The following LEF1 variants were observed in gnomAD, a reference collection of about 807,000 sequenced individuals.
The protein encoded by LEF1 is lymphoid enhancer binding factor 1.
In LEF1, 14 loss-of-function variants were observed where a neutral mutation model predicts 51.2. The observed-to-expected ratio is 0.27, with a 90% CI of 0.18 to 0.43. The LOEUF (loss-of-function observed/expected upper bound fraction) is 0.43. Ranked by LOEUF, LEF1 falls within the 20% of genes least tolerant of loss-of-function variation. The probability of loss-of-function intolerance (pLI) is 1.00; values close to 1 mark genes in which losing one functional copy is unlikely to be tolerated. For missense variants in LEF1, 386 were observed against 512.0 expected, an observed-to-expected ratio of 0.75 and a Z score of 2.37; for synonymous variants, 185 against 183.2, an observed-to-expected ratio of 1.01 and a Z score of -0.08.
At chr4:108,150,946 C>T (rs968002759) in intron 3 of LEF1, among the ~76,000 whole-genome samples, 1 of 152,112 alleles carries the variant, frequency 6.6e-6, no homozygotes, top group African/African-American at 2.4e-5. Context: ...GGTCAAGGTC[C>T]AGGAAGCTTC....
chr4:108,076,470 G>A (rs1190749987), intron 8 of LEF1, among the ~76,000 whole-genome samples: 2 of 152,130 alleles, frequency 1.3e-5, no homozygotes, highest in East Asian at 1.9e-4. Flanking sequence ...CCAGGTTCAA[G>A]TGATTCTCCT....
chr4:108,103,897 C>T (rs878893993), intron 3 of LEF1, among the ~76,000 whole-genome samples: 2 of 152,142 alleles, frequency 1.3e-5, no homozygotes, highest in Non-Finnish European at 1.5e-5. Context: ...CATAGAACTA[C>T]CATACGACCC....
intron 8 of LEF1, 137 bp from the exon 9 acceptor site, chr4:108,070,907 C>T (rs755433982): frequency 1.9e-5 from 12 of 646,444 alleles, no homozygotes; most frequent in Admixed American, 8.0e-5. Flanking sequence ...AGACCAAGTG[C>T]CAAGTGCCGT....
intron 11 of LEF1, among the ~76,000 whole-genome samples, chr4:108,056,737 G>C (rs1366631751): frequency 1.3e-5 from 2 of 152,058 alleles, no homozygotes; most frequent in Non-Finnish European, 1.5e-5. Flanking sequence ...AGCATTCCCA[G>C]AAACGACACA....
intron 3 of LEF1, among the ~76,000 whole-genome samples, chr4:108,107,091 T>A (rs1741216862): frequency 6.6e-6 from 1 of 152,164 alleles, no homozygotes; most frequent in Non-Finnish European, 1.5e-5. Flanking sequence ...GACTCATTGA[T>A]CTTGCTCGAA....
At chr4:108,084,943 G>A (rs1448806732) in intron 4 of LEF1, among the ~76,000 whole-genome samples, 4 of 152,004 alleles carry the variant, frequency 2.6e-5, no homozygotes, top group East Asian at 1.9e-4. Context: ...TGGCTCAGTC[G>A]CGGGGATAAA....
In LEF1 at chr4:108,141,379, TC is replaced by T. The variant is rs765263467; in HGVS notation, c.414+22188del. 1.5e-3 allele frequency among the ~76,000 whole-genome samples: 218 copies of T among 149,836 alleles called. 3 individuals carry two copies. In the East Asian group the frequency reaches 0.031, roughly 21 times the overall value. Reference sequence around the variant, plus strand: ...CGTGACCAGTATTTGTCATTGTGCCTCCCCCCCCGCCACATCATTCATATGT... The same window carrying T: ...CGTGACCAGTATTTGTCATTGTGCCTCCCCCCCGCCACATCATTCATATGT... On this transcript the variant is annotated intron_variant, in intron 3 of 11. Transcript: ENST00000265165.
At chr4:108,147,049 G>A (rs1235783136) in intron 3 of LEF1, among the ~76,000 whole-genome samples, 2 of 152,130 alleles carry the variant, frequency 1.3e-5, no homozygotes, top group African/African-American at 4.8e-5. Context: ...GAGCACTTGA[G>A]CCTAGGAGGT....
chr4:108,129,751 T>C (rs1205663223), intron 3 of LEF1, among the ~76,000 whole-genome samples: 2 of 152,202 alleles, frequency 1.3e-5, no homozygotes, highest in Non-Finnish European at 2.9e-5. Flanking sequence ...TTCTAATTGT[T>C]GAATAAAGTT....
At chr4:108,061,880 G>A (rs1482588389) in intron 11 of LEF1, among the ~76,000 whole-genome samples, 1 of 152,154 alleles carries the variant, frequency 6.6e-6, no homozygotes, top group Admixed American at 6.6e-5. Flanking sequence ...AGGAAAGCTT[G>A]CCACTCAGTA....
chr4:108,161,037 C>T (rs1745023028), intron 3 of LEF1, among the ~76,000 whole-genome samples: 1 of 152,162 alleles, frequency 6.6e-6, no homozygotes, highest in African/African-American at 2.4e-5. Flanking sequence ...AAATGGTCAC[C>T]ATGCTCCTGA....
intron 3 of LEF1, among the ~76,000 whole-genome samples, chr4:108,123,000 T>A (rs563641522): frequency 2.6e-5 from 4 of 152,272 alleles, no homozygotes; most frequent in Non-Finnish European, 5.9e-5. Context: ...ATATGTTGAC[T>A]TTGGCTCATG....
chr4:108,056,142 C>T (rs1234992273), intron 11 of LEF1, among the ~76,000 whole-genome samples: 2 of 152,150 alleles, frequency 1.3e-5, no homozygotes, highest in African/African-American at 2.4e-5. Flanking sequence ...TAACCAGAGT[C>T]GCTTCTACAG....
intron 11 of LEF1, among the ~76,000 whole-genome samples, chr4:108,054,517 G>A (rs1234252774): frequency 3.3e-5 from 5 of 152,210 alleles, no homozygotes; most frequent in Non-Finnish European, 5.9e-5. Context: ...CAGAACGAGA[G>A]GAGGCAACAC....
chr4:108,066,999 AC>A (rs536567658), intron 9 of LEF1, among the ~76,000 whole-genome samples: 2 of 152,356 alleles, frequency 1.3e-5, no homozygotes, highest in East Asian at 3.9e-4. Flanking sequence ...GGATCAGGAT[AC>A]CATTCTGGCA....
chr4:108,073,272 C>A (rs1371706793), intron 8 of LEF1, among the ~76,000 whole-genome samples: 4 of 152,150 alleles, frequency 2.6e-5, no homozygotes, highest in African/African-American at 9.7e-5. Flanking sequence ...GTAATCCCAG[C>A]TACTCAGGAG....
chr4:108,089,915 T>C (rs941159617), intron 3 of LEF1, among the ~76,000 whole-genome samples: 3 of 152,228 alleles, frequency 2.0e-5, no homozygotes, highest in African/African-American at 7.2e-5. Flanking sequence ...TCTGCTTCTC[T>C]AGTTTCCATA....
chr4:108,111,104 A>G (rs541909172), intron 3 of LEF1, among the ~76,000 whole-genome samples: 1 of 152,322 alleles, frequency 6.6e-6, no homozygotes, highest in African/African-American at 2.4e-5. Flanking sequence ...CATAGGATAC[A>G]CCAAATGAAA....
At chr4:108,126,966 G>T (rs1742585229) in intron 3 of LEF1, among the ~76,000 whole-genome samples, 1 of 152,024 alleles carries the variant, frequency 6.6e-6, no homozygotes, top group African/African-American at 2.4e-5. Flanking sequence ...TCTAATGAGG[G>T]GGATGAGATG....
Sources: allele counts gnomAD v4.1 joint callset (sites outside exome capture counted in the v4.1 genomes callset), GRCh38; gene constraint gnomAD v4.1.1; transcripts MANE v1.5; gene names NCBI Gene and HGNC (gene_info 2026-07-23, HGNC 2026-07-21).